FAM131B: variants seen among roughly 807,000 people sequenced by gnomAD.
FAM131B encodes family with sequence similarity 131 member B.
Under a neutral mutation model 42.0 loss-of-function variants are expected in FAM131B, and 19 were observed. The observed-to-expected ratio is 0.45, with a 90% CI of 0.32 to 0.66. The LOEUF (loss-of-function observed/expected upper bound fraction) is 0.66. Among genes scored for constraint, FAM131B ranks in the 30% least tolerant of loss-of-function variants. The pLI is 0.05. For missense variants in FAM131B, 370 were observed against 468.4 expected, an observed-to-expected ratio of 0.79 and a Z score of 1.94; for synonymous variants, 183 against 177.6, an observed-to-expected ratio of 1.03 and a Z score of -0.24.
Position 143,359,940 on chromosome 7 carries a change from T to C in FAM131B, c.138+100A>G, listed in dbSNP as rs1461966646. ...TGCTTGGCATGTGTTGTGAGAAATG[T>C]TCTGTAGAAGTGTCAGTCTGAAGGA... On this transcript the variant is annotated intron_variant, in intron 2 of 6. Coordinates refer to ENST00000443739, the MANE Select transcript of FAM131B (RefSeq NM_001031690.3). This position sits in a 1 kb window ranked among gnomAD's most constrained non-coding sequence, Gnocchi z 5.4. 1.9e-6 allele frequency: 2 copies of C among 1,038,602 alleles called. No homozygotes were observed. Among genetic ancestry groups the C allele is most frequent in the Admixed American group, 3.9e-5 (2 of 50,708 alleles). 64.3% of individuals were successfully genotyped at this position (1,038,602 alleles called of 1,614,324 possible). A position where few individuals can be genotyped will look rare whatever the true frequency, so the allele number is the denominator to read the frequency against.
At chr7:143,377,646 A>G in the FAM131B span, among the ~76,000 whole-genome samples, 1 of 152,140 alleles carries the variant, frequency 6.6e-6, no homozygotes, top group African/African-American at 2.4e-5. Context: ...TGGGATAATG[A>G]TGTATATTCC....
chr7:143,368,045 G>A, the FAM131B span, among the ~76,000 whole-genome samples: 4 of 152,278 alleles, frequency 2.6e-5, no homozygotes, highest in East Asian at 5.8e-4. Context: ...AGCAGATCGC[G>A]CCTGCATATC....
chr7:143,355,504 C>T lies in FAM131B; in HGVS notation c.*1046G>A, dbSNP rs1803609655. On this transcript the variant is annotated 3_prime_UTR_variant, in exon 7 of 7. Coordinates refer to ENST00000443739, the MANE Select transcript of FAM131B (RefSeq NM_001031690.3). The surrounding 1 kb of genome is among the most constrained non-coding windows in gnomAD (Gnocchi z 4.1). ...TGGCTGAGGGAGTGACAGCACCGGA[C>T]TCCTCCCTCCACTCCACTCAACCCT... 6.6e-6 allele frequency: 1 copy of T among 152,560 alleles called. No homozygotes were observed. Among genetic ancestry groups the T allele is most frequent in the African/African-American group, 2.4e-5 (1 of 41,414 alleles). The allele number at this position is 152,560 out of a possible 1,614,324, so 9.5% of individuals were successfully genotyped here.
the FAM131B span, among the ~76,000 whole-genome samples, chr7:143,373,186 C>A: frequency 6.6e-6 from 1 of 151,932 alleles, no homozygotes; most frequent in Non-Finnish European, 1.5e-5. Context: ...AGTGCCAGAC[C>A]AGCCTGACCA....
chr7:143,373,260 G>A, the FAM131B span, among the ~76,000 whole-genome samples: 1 of 152,008 alleles, frequency 6.6e-6, no homozygotes, highest in Admixed American at 6.6e-5. Flanking sequence ...GTGCGCACCT[G>A]TAATCCCAGC....
chr7:143,365,821 C>T (rs539345640), upstream of FAM131B, among the ~76,000 whole-genome samples: 2 of 152,294 alleles, frequency 1.3e-5, no homozygotes, highest in Non-Finnish European at 2.9e-5. Flanking sequence ...GTTGTCCAGG[C>T]TGGTCTAGAA....
chr7:143,381,377 A>T, the FAM131B span: 41 of 1,171,610 alleles, frequency 3.5e-5, no homozygotes, highest in Non-Finnish European at 4.2e-5. Flanking sequence ...CGAGGCGGCC[A>T]CCCGAGACGC....
upstream of FAM131B, among the ~76,000 whole-genome samples, chr7:143,363,424 G>A (rs1804090098): frequency 1.3e-5 from 2 of 152,140 alleles, no homozygotes; most frequent in Non-Finnish European, 2.9e-5. Context: ...GTCAGGACCC[G>A]AGGCTGGCTA....
chr7:143,380,407 T>C, the FAM131B span: 1 of 983,812 alleles, frequency 1.0e-6, no homozygotes, highest in Non-Finnish European at 1.2e-6. This position sits in a 1 kb window ranked among gnomAD's most constrained non-coding sequence, Gnocchi z 5.0. Context: ...AAGCGCAGTC[T>C]CAGAATGCCC....
chr7:143,356,936 C>T lies in FAM131B; in HGVS notation c.697G>A (p.Glu233Lys), dbSNP rs757283523. Residue 233 changes from glutamate to lysine, a missense_variant, in exon 7 of 7, where the codon GAA becomes AAA. Glu to Lys is a moderately conservative substitution (Grantham distance 56, BLOSUM62 1). Coordinates refer to ENST00000443739, the MANE Select transcript of FAM131B (RefSeq NM_001031690.3). The surrounding 1 kb of genome is among the most constrained non-coding windows in gnomAD (Gnocchi z 4.4). ...MYCLGSSDAW[E>K]ASDQSLIASP... Reference sequence around the variant, plus strand: ...GCAATGAGGGACTGATCGCTGGCTTCCCAGGCATCTGACGACCCCAGACAG... The same window carrying T: ...GCAATGAGGGACTGATCGCTGGCTTTCCAGGCATCTGACGACCCCAGACAG... 4.3e-6 allele frequency: 7 copies of T among 1,614,088 alleles called. No individual in the cohort carries two copies. The highest frequency in any genetic ancestry group is 1.6e-4 in the Middle Eastern group (1 of 6,062).
Position 143,359,078 on chromosome 7 carries a change from C to A in FAM131B, c.269-54G>T, listed in dbSNP as rs1283616491. The stretch of plus-strand genomic sequence containing the variant: ...CCAGAATATCACACAATACCCATAA[C>A]CAGACCCTCCCAGTTCCTCCCACCC... On this transcript the variant is annotated intron_variant, in intron 4 of 6. Transcript: ENST00000443739. The surrounding 1 kb of genome is among the most constrained non-coding windows in gnomAD (Gnocchi z 5.4). The A allele has an allele frequency of 5.8e-6, 9 of 1,538,630 alleles. No individual in the cohort carries two copies. Among genetic ancestry groups the A allele is most frequent in the African/African-American group, 2.7e-5 (2 of 73,392 alleles).
chr7:143,357,072 G>A (rs1159276392), intron 6 of FAM131B, 50 bp from the exon 7 acceptor site: 3 of 1,393,024 alleles, frequency 2.2e-6, no homozygotes, highest in Admixed American at 1.7e-5. Context: ...GTCAAGGGCA[G>A]GAATGACAGC....
At position 143,360,056 on chromosome 7, in the gene FAM131B, T is replaced by A; in HGVS notation, c.122A>T (p.His41Leu). 1.2e-6 allele frequency: 2 copies of A among 1,613,032 alleles called. No individual in the cohort carries two copies. ...STSSLHGSSL[H>L]RPSTEQTRTD... ...AGGTCTCACCTCAGTCGATGGCCGA[T>A]GGAGGCTGCTCCCGTGCAGTGAGCT... The change falls in exon 2 of 7, where the codon CAT becomes CTT. Residue 41 changes from histidine (H) to leucine (L), a missense_variant. Coordinates refer to ENST00000443739, the MANE Select transcript of FAM131B (RefSeq NM_001031690.3).
chr7:143,378,234 TA>T, the FAM131B span, among the ~76,000 whole-genome samples: 1 of 152,258 alleles, frequency 6.6e-6, no homozygotes, highest in Non-Finnish European at 1.5e-5. Context: ...CTTTCCATTT[TA>T]GAAATCATTC....
In FAM131B at chr7:143,359,564, G is replaced by T. The variant is rs748160373; in HGVS notation, c.175-145C>A. The T allele has an allele frequency of 1.1e-6, 1 of 918,978 alleles. No individual in the cohort carries two copies. The highest frequency in any genetic ancestry group is 1.6e-5 in the African/African-American group (1 of 61,176). 56.9% of individuals were successfully genotyped at this position (918,978 alleles called of 1,614,324 possible). ...AGCTACTATACCCAAGAGTCCCAAG[G>T]AGGGATATATCCCCAGTGCTCTGGA... is the stretch of plus-strand genomic sequence containing the variant. On this transcript the variant is annotated intron_variant, in intron 3 of 6. Coordinates refer to ENST00000443739, the MANE Select transcript of FAM131B (RefSeq NM_001031690.3). The surrounding 1 kb of genome is among the most constrained non-coding windows in gnomAD (Gnocchi z 5.4).
upstream of FAM131B, among the ~76,000 whole-genome samples, chr7:143,367,768 T>C (rs563488452): frequency 1.1e-4 from 16 of 152,178 alleles, no homozygotes; most frequent in African/African-American, 3.6e-4. Context: ...TTCTCCTTAG[T>C]GTAGTCCCCA....
the FAM131B span, chr7:143,381,288 CCCT>C: frequency 9.2e-7 from 1 of 1,084,308 alleles, no homozygotes; most frequent in African/African-American, 1.7e-5. Context: ...TCTTCTCCCT[CCCT>C]CCTCCTTCCG....
chr7:143,357,515 A>C (rs1030768893), intron 5 of FAM131B, 92 bp from the exon 6 acceptor site: 67 of 1,078,794 alleles, frequency 6.2e-5, no homozygotes, highest in Admixed American at 1.7e-4. Context: ...AGCACTGTTC[A>C]GTAGAAATAT....
In FAM131B at chr7:143,357,277, C is replaced by T. The variant is rs1803709829; in HGVS notation, c.610+3G>A. 4 of 1,613,914 alleles carry T rather than the reference C, an allele frequency of 2.5e-6. No individual in the cohort carries two copies. Among genetic ancestry groups the T allele is most frequent in the African/African-American group, 1.3e-5 (1 of 75,040 alleles). The stretch of plus-strand genomic sequence containing the variant: ...AGAGTTTGGATTCTGGAACATCTCT[C>T]ACCCTGACTGTCCATCAGTTCCTGG... On this transcript the variant is annotated splice_donor_region_variant and intron_variant, in intron 6 of 6. Coordinates refer to ENST00000443739, the MANE Select transcript of FAM131B (RefSeq NM_001031690.3).
Sources: allele counts gnomAD v4.1 joint callset (sites outside exome capture counted in the v4.1 genomes callset), GRCh38; gene constraint gnomAD v4.1.1; non-coding constraint Gnocchi (gnomAD v3.1); transcripts MANE v1.5; gene names NCBI Gene and HGNC (gene_info 2026-07-23, HGNC 2026-07-21).